The following SECISBP2 variants were observed in gnomAD, a reference collection of about 807,000 sequenced individuals.
SECISBP2 encodes the protein SECIS binding protein 2.
SECISBP2 carries 96 observed loss-of-function variants against 98.2 expected under a neutral mutation model. The observed-to-expected ratio is 0.98, with a 90% confidence interval of 0.83 to 1.16. SECISBP2 has a LOEUF of 1.16. Among genes scored for constraint, SECISBP2 ranks in the 50% most tolerant of loss-of-function variants. The pLI, the probability that SECISBP2 is intolerant of heterozygous loss-of-function variation, is 0.00. For synonymous variants in SECISBP2, 407 were observed against 370.2 expected (o/e 1.10, Z -1.14); for missense variants, 1,046 against 1,022.9 (o/e 1.02, Z -0.31).
At chr9:89,341,502 G>A (rs1043433198) in intron 10 of SECISBP2, 23 bp downstream of exon 10, 6 of 1,613,572 alleles carry the variant, frequency 3.7e-6, no homozygotes, top group Admixed American at 1.7e-5. Flanking sequence ...TTCCATCTCA[G>A]GCAAGTGATT....
intron 15 of SECISBP2, among the ~76,000 whole-genome samples, 191 bp downstream of exon 15, chr9:89,357,756 G>C (rs1185689166): frequency 6.6e-6 from 1 of 152,208 alleles, no homozygotes; most frequent in African/African-American, 2.4e-5. Context: ...TGGGTTGTCT[G>C]GTTCTGAACT....
At chr9:89,360,505 C>T (rs1655029418), downstream of SECISBP2, among the ~76,000 whole-genome samples, 1 of 152,178 alleles carries the variant, frequency 6.6e-6, no homozygotes, top group South Asian at 2.1e-4. Context: ...TTTTAGAGCT[C>T]TCTAGTTCTG....
In SECISBP2 at chr9:89,358,108, C is replaced by T; in HGVS notation, c.2378C>T (p.Pro793Leu). ...GTGGGAGAGCCCAGGCCTCAGGCAC[C>T]TCCCAGCCTACCCACACAGGGCCCC... ...ELVGEPRPQA[P>L]PSLPTQGPSC... The change falls in exon 16 of 17, where the codon CCT (proline) becomes CTT (leucine). Residue 793 changes from proline to leucine, a missense_variant. Coordinates refer to ENST00000375807, the MANE Select transcript of SECISBP2 (RefSeq NM_024077.5). 2.5e-6 allele frequency: 4 copies of T among 1,613,864 alleles called. No homozygotes were observed. Among genetic ancestry groups the T allele is most frequent in the South Asian group, 1.1e-5 (1 of 91,010 alleles).
At position 89,357,980 on chromosome 9, in the gene SECISBP2, GCTCT is replaced by G; in HGVS notation, c.2269-17_2269-14del. 7 of 1,611,792 alleles carry G rather than the reference GCTCT, an allele frequency of 4.3e-6. No homozygotes were observed. The highest frequency in any genetic ancestry group is 5.9e-6 in the Non-Finnish European group (7 of 1,179,824). ...TCTGTAGCTGGGATGTTACCTGTGT[GCTCT>G]CACTTGTGCCCAAGGATCAGTTCCA... On this transcript the variant is annotated splice_polypyrimidine_tract_variant and intron_variant, in intron 15 of 16. Coordinates refer to ENST00000375807, the MANE Select transcript of SECISBP2 (RefSeq NM_024077.5).
chr9:89,352,576 C>T (rs570087909), intron 14 of SECISBP2, among the ~76,000 whole-genome samples: 6 of 152,266 alleles, frequency 3.9e-5, no homozygotes, highest in African/African-American at 1.4e-4. Context: ...CAGTTTGCAT[C>T]CAGTGTCTTT....
rs746336343 is a variant in SECISBP2 at position 89,341,329 on chromosome 9, C to T, written c.1303-18C>T. On this transcript the variant is annotated intron_variant, in intron 9 of 16. Transcript: ENST00000375807. ...TTGTATAGTTTTATAAGTAAACTTA[C>T]GAATTTTGAACTTTCAGGATAATTT... The T allele has an allele frequency of 2.4e-5, 38 of 1,608,922 alleles. No homozygotes were observed. Among genetic ancestry groups the T allele is most frequent in the Non-Finnish European group, 3.1e-5 (37 of 1,176,018 alleles).
chr9:89,358,650 G>A, intron 16 of SECISBP2, 71 bp from the exon 17 acceptor site: 4 of 1,012,832 alleles, frequency 3.9e-6, no homozygotes, highest in Non-Finnish European at 6.3e-6. Flanking sequence ...CTCTCATGCT[G>A]CTGGTTTTCT....
At chr9:89,358,218 A>G in intron 16 of SECISBP2, 27 bp downstream of exon 16, 1 of 1,597,084 alleles carries the variant, frequency 6.3e-7, no homozygotes, top group Non-Finnish European at 8.5e-7. Context: ...GAGTTGTGTC[A>G]GGTCGAGTGT....
At chr9:89,320,190 C>T (rs1396395951) in intron 2 of SECISBP2, among the ~76,000 whole-genome samples, 1 of 151,784 alleles carries the variant, frequency 6.6e-6, no homozygotes, top group Non-Finnish European at 1.5e-5. Context: ...AACTCCGTCT[C>T]CACAAAAATA....
At chr9:89,341,295 A>C (rs962353744) in intron 9 of SECISBP2, 52 bp from the exon 10 acceptor site, 111 of 1,544,256 alleles carry the variant, frequency 7.2e-5, no homozygotes, top group Non-Finnish European at 9.4e-5. Context: ...GTAAAAAGAA[A>C]AGCACAGTTT....
At chr9:89,351,625 C>T (rs1831295048) in intron 14 of SECISBP2, among the ~76,000 whole-genome samples, 1 of 152,154 alleles carries the variant, frequency 6.6e-6, no homozygotes, top group Admixed American at 6.5e-5. Context: ...ATAATGCATC[C>T]ACATCCTGGG....
intron 1 of SECISBP2, chr9:89,319,120 GA>G: frequency 2.2e-6 from 2 of 901,432 alleles, no homozygotes; most frequent in East Asian, 1.1e-4. Context: ...TTAGTGAATT[GA>G]AATTTCAAAG....
At chr9:89,355,670 T>C (rs1351787281) in intron 14 of SECISBP2, 1 of 545,554 alleles carries the variant, frequency 1.8e-6, no homozygotes, top group African/African-American at 2.0e-5. Flanking sequence ...CTAGGTATTG[T>C]GTTATTTCTC....
chr9:89,355,065 G>T (rs1831864494), intron 14 of SECISBP2: 1 of 985,186 alleles, frequency 1.0e-6, no homozygotes, highest in Non-Finnish European at 1.2e-6. Context: ...GCAGGGTGTG[G>T]GCAGAATAAG....
chr9:89,321,514 A>G (rs1167200449), intron 2 of SECISBP2, among the ~76,000 whole-genome samples: 2 of 151,662 alleles, frequency 1.3e-5, no homozygotes, highest in African/African-American at 4.9e-5. Context: ...CAGAAATACA[A>G]AAATTAGCCG....
chr9:89,325,273 A>C, intron 2 of SECISBP2, 154 bp from the exon 3 acceptor site: 1 of 691,874 alleles, frequency 1.4e-6, no homozygotes, highest in Non-Finnish European at 2.4e-6. Flanking sequence ...AGAAACACCC[A>C]GAGATTTTAT....
At position 89,329,096 on chromosome 9, in the gene SECISBP2, T is replaced by C. The variant is rs1376430816; in HGVS notation, c.801+210T>C. On this transcript the variant is annotated intron_variant, in intron 5 of 16. Transcript: ENST00000375807. ...TGTAACATCTAGTGCAGCTATTGTT[T>C]TATTTGTGCGTTTTGTTTTGTTTTG... The C allele has an allele frequency of 6.9e-6, 4 of 580,428 alleles. No homozygotes were observed. The Admixed American group carries it at 9.5e-5, about 14-fold the overall frequency. The allele number at this position is 580,428 out of a possible 1,614,324, so 36.0% of individuals were successfully genotyped here.
intron 6 of SECISBP2, chr9:89,334,061 CTTAT>C: frequency 9.1e-7 from 1 of 1,103,922 alleles, no homozygotes; most frequent in South Asian, 2.3e-5. Context: ...TGTTGCTGTA[CTTAT>C]GCCTCTGTTC....
In SECISBP2 at chr9:89,335,964, A is replaced by G. The variant is rs181248132; in HGVS notation, c.1089+1234A>G. ...AAGAGTACTAGTAGCAAAATAATTG[A>G]ATTCTACATTTTGTGATCATGTGGT... On this transcript the variant is annotated intron_variant, in intron 7 of 16. Transcript: ENST00000375807. 4.6e-5 allele frequency among the ~76,000 whole-genome samples: 7 copies of G among 151,948 alleles called. No homozygotes were observed. In the East Asian group the frequency reaches 1.4e-3, roughly 29 times the overall value.
Sources: gnomAD v4.1 joint callset for allele counts (sites outside exome capture counted in the v4.1 genomes callset) on GRCh38, gnomAD v4.1.1 for gene constraint, MANE v1.5 for transcripts, NCBI Gene and HGNC (gene_info 2026-07-23, HGNC 2026-07-21) for gene names.